The following RPH3AL variants were observed in gnomAD, a reference collection of about 807,000 sequenced individuals.
The protein encoded by RPH3AL is rab effector Noc2.
Under a neutral mutation model 43.1 loss-of-function variants are expected in RPH3AL, and 38 were observed. The ratio of observed to expected loss-of-function variants is 0.88; its 90% CI spans 0.68 to 1.15. The LOEUF is 1.15. RPH3AL is among the 50% of genes most tolerant of loss of function. RPH3AL has a pLI of 0.00. For missense variants in RPH3AL, 462 were observed against 423.2 expected (o/e 1.09, Z -0.81); for synonymous variants, 189 against 176.3 (o/e 1.07, Z -0.57).
intron 6 of RPH3AL, among the ~76,000 whole-genome samples, chr17:250,294 C>A: frequency 1.1e-5 from 1 of 94,064 alleles, no homozygotes; most frequent in East Asian, 2.5e-4. Context: ...TACCAAGCTC[C>A]GTTGCTGCGG....
At chr17:318,598 A>AT (rs1204165089) in intron 5 of RPH3AL, among the ~76,000 whole-genome samples, 1 of 152,130 alleles carries the variant, frequency 6.6e-6, no homozygotes, top group African/African-American at 2.4e-5. Context: ...GCCAGGAAAA[A>AT]AAAAATAGCC....
intron 5 of RPH3AL, among the ~76,000 whole-genome samples, chr17:316,794 A>T (rs2044237529): frequency 9.6e-5 from 11 of 114,366 alleles, no homozygotes; most frequent in African/African-American, 4.9e-4. Context: ...ACCTCCATTG[A>T]CCTGTAGTCC....
chr17:281,719 G>T (rs778601687), intron 6 of RPH3AL, 49 bp downstream of exon 6: 1 of 1,314,480 alleles, frequency 7.6e-7, no homozygotes. Context: ...CCATCTGAGG[G>T]CATATCCAGC....
At chr17:330,909 T>G (rs2044738111) in intron 2 of RPH3AL, 1 of 151,838 alleles carries the variant, frequency 6.6e-6, no homozygotes. Flanking sequence ...AATTTTGGCT[T>G]TTATGTAAAC....
chr17:263,533 T>C (rs186880329), intron 6 of RPH3AL, among the ~76,000 whole-genome samples: 3 of 152,340 alleles, frequency 2.0e-5, no homozygotes, highest in Non-Finnish European at 4.4e-5. Flanking sequence ...AACAATTTGA[T>C]TTTTTAAAAC....
chr17:342,202 G>A (rs1290350787), intron 1 of RPH3AL, among the ~76,000 whole-genome samples: 1 of 152,150 alleles, frequency 6.6e-6, no homozygotes, highest in African/African-American at 2.4e-5. Context: ...TAAAAAATAT[G>A]AAAAATAACA....
chr17:232,543 C>A (rs1315609130), intron 7 of RPH3AL, among the ~76,000 whole-genome samples: 2 of 152,204 alleles, frequency 1.3e-5, no homozygotes, highest in Non-Finnish European at 2.9e-5. Flanking sequence ...TCTCTCCCAG[C>A]GGGACCCACG....
In RPH3AL at chr17:251,810, C is replaced by T. The variant is rs185456629; in HGVS notation, c.439-4525G>A. On this transcript the variant is annotated intron_variant, in intron 6 of 9. Transcript: ENST00000331302. ...TGAGCGAAAGCTCTGCTCATCCTGC[C>T]CTGAGCACGTCACCTCCCTGTCCTC... is the stretch of plus-strand genomic sequence containing the variant. Among the ~76,000 whole-genome samples the T allele has an allele frequency of 5.7e-3, 873 of 152,334 alleles. 8 individuals are homozygous for T. Among genetic ancestry groups the T allele is most frequent in the African/African-American group, 0.02 (836 of 41,566 alleles).
intron 3 of RPH3AL, among the ~76,000 whole-genome samples, chr17:324,748 CAG>C (rs1368167207): frequency 1.5e-5 from 2 of 137,254 alleles, no homozygotes; most frequent in East Asian, 1.9e-4. Context: ...TATTTTGAGA[CAG>C]AGTCTCGGTC....
chr17:252,931 G>A (rs1329457584), intron 6 of RPH3AL, among the ~76,000 whole-genome samples: 2 of 152,266 alleles, frequency 1.3e-5, no homozygotes, highest in Non-Finnish European at 2.9e-5. Flanking sequence ...TCCACAGAGC[G>A]GGACTGCAGG....
In RPH3AL at chr17:215,715, G is replaced by A. The variant is rs199836603; in HGVS notation, c.815C>T (p.Thr272Met). 307 of 1,293,528 alleles carry A rather than the reference G, an allele frequency of 2.4e-4. 1 individual carries two copies. Among genetic ancestry groups the A allele is most frequent in the East Asian group, 1.3e-3 (41 of 31,896 alleles). 80.1% of individuals were successfully genotyped at this position (1,293,528 alleles called of 1,614,324 possible). ...GCQSSLASGE[T>M]GTGSADPPGG... Reference sequence around the variant, plus strand: ...TGGCGGGTCAGCAGAGCCTGTCCCCGTCTCACCACTGGCCAGGCTGCTCTG... The same window carrying A: ...TGGCGGGTCAGCAGAGCCTGTCCCCATCTCACCACTGGCCAGGCTGCTCTG... Residue 272 changes from threonine to methionine, a missense_variant, in exon 9 of 10, where the codon ACG (threonine) becomes ATG (methionine). By Grantham distance (81) the Thr-to-Met change is moderately conservative. Coordinates refer to ENST00000331302, the MANE Select transcript of RPH3AL (RefSeq NM_006987.4). This position sits in a 1 kb window ranked among gnomAD's most constrained non-coding sequence, Gnocchi z 4.1.
At chr17:221,317 T>G (rs1403940521) in intron 7 of RPH3AL, among the ~76,000 whole-genome samples, 14 of 125,858 alleles carry the variant, frequency 1.1e-4, no homozygotes, top group Admixed American at 4.6e-4. Flanking sequence ...ACATCAGCTC[T>G]GAGGCCTCCA....
rs563452178 is a variant in RPH3AL, at chr17:315,783, T to A, written c.351+3637A>T. Among the ~76,000 whole-genome samples the A allele has an allele frequency of 1.4e-4, 17 of 125,058 alleles. No homozygotes were observed. The East Asian group carries it at 3.8e-3, about 28-fold the overall frequency. 82.0% of individuals were successfully genotyped at this position (125,058 alleles called of 152,430 possible). A position where few individuals can be genotyped will look rare whatever the true frequency, so the allele number is the denominator to read the frequency against. On this transcript the variant is annotated intron_variant, in intron 5 of 9. Transcript: ENST00000331302. ...GACCTTTAGTCCCCGTGACCCCATC[T>A]CTATTGACCTGTAGTCCCTGTGCCC...
chr17:248,724 T>C (rs1555541161), intron 6 of RPH3AL, among the ~76,000 whole-genome samples: 1 of 152,238 alleles, frequency 6.6e-6, no homozygotes, highest in Non-Finnish European at 1.5e-5. Context: ...GCTGAATCAA[T>C]GGCAGCTTCC....
Position 246,368 on chromosome 17 carries a change from G to A in RPH3AL, c.613+743C>T, listed in dbSNP as rs534659880. On this transcript the variant is annotated intron_variant, in intron 7 of 9. Transcript: ENST00000331302. This position sits in a 1 kb window ranked among gnomAD's most constrained non-coding sequence, Gnocchi z 4.8. ...CACTTCAGAGCAAAAGGACCCAGAT[G>A]CCAGAGAGGGTAAGAGCCTGCCCTT... Among the ~76,000 whole-genome samples, 5 of 152,240 alleles carry A rather than the reference G, an allele frequency of 3.3e-5. No individual in the cohort carries two copies. Among genetic ancestry groups the A allele is most frequent in the East Asian group, 3.9e-4 (2 of 5,182 alleles).
At chr17:244,468 G>T (rs966051980) in intron 7 of RPH3AL, among the ~76,000 whole-genome samples, 3 of 152,100 alleles carry the variant, frequency 2.0e-5, no homozygotes, top group Admixed American at 2.0e-4. Flanking sequence ...AGAACTGGAG[G>T]TGGGCAAAGA....
At chr17:240,019 C>T (rs1460168885) in intron 7 of RPH3AL, among the ~76,000 whole-genome samples, 5 of 152,114 alleles carry the variant, frequency 3.3e-5, no homozygotes, top group Non-Finnish European at 5.9e-5. Flanking sequence ...GGATGGATCA[C>T]CTGATGTCAG....
At chr17:253,513 A>T (rs1555543468) in intron 6 of RPH3AL, among the ~76,000 whole-genome samples, 3 of 152,166 alleles carry the variant, frequency 2.0e-5, no homozygotes, top group African/African-American at 7.2e-5. Context: ...TAAAAAAATT[A>T]AAAATGTTTC....
At chr17:314,517 GTAGT>G (rs2043803205) in intron 5 of RPH3AL, among the ~76,000 whole-genome samples, 1 of 134,730 alleles carries the variant, frequency 7.4e-6, no homozygotes, top group East Asian at 2.1e-4. Flanking sequence ...CCATTGACCT[GTAGT>G]CCCTGTGACT....
Sources: allele counts gnomAD v4.1 joint callset (sites outside exome capture counted in the v4.1 genomes callset), GRCh38; gene constraint gnomAD v4.1.1; non-coding constraint Gnocchi (gnomAD v3.1); transcripts MANE v1.5; gene names NCBI Gene and HGNC (gene_info 2026-07-23, HGNC 2026-07-21).